The following RPAP3 variants were observed in gnomAD, a reference collection of about 807,000 sequenced individuals.
RPAP3 encodes RNA polymerase II associated protein 3.
In RPAP3, 58 loss-of-function variants were observed where a neutral mutation model predicts 88.8. The ratio of observed to expected loss-of-function variants is 0.65; its 90% confidence interval spans 0.53 to 0.81. The LOEUF (loss-of-function observed/expected upper bound fraction) is 0.81. Among genes scored for constraint, RPAP3 ranks in the 40% least tolerant of loss-of-function variants. RPAP3 has a pLI of 0.00. For synonymous variants in RPAP3, 255 were observed against 259.9 expected (o/e 0.98, Z 0.18); for missense variants, 751 against 764.3 (o/e 0.98, Z 0.20).
chr12:47,690,178 C>A (rs954744137), intron 6 of RPAP3, among the ~76,000 whole-genome samples: 44 of 151,654 alleles, frequency 2.9e-4, no homozygotes, highest in African/African-American at 1.0e-3. Context: ...TATAAGTGAA[C>A]AAAAATGTGT....
intron 14 of RPAP3, 68 bp downstream of exon 14, chr12:47,668,844 CCATT>C: frequency 8.7e-7 from 1 of 1,151,000 alleles, no homozygotes; most frequent in Non-Finnish European, 1.3e-6. Context: ...AAATACGGCA[CCATT>C]ATTATAAAGT....
chr12:47,689,614 C>T (rs1939389375), intron 6 of RPAP3, among the ~76,000 whole-genome samples: 1 of 152,206 alleles, frequency 6.6e-6, no homozygotes, highest in South Asian at 2.1e-4. Flanking sequence ...GCTAGGACTA[C>T]AGGCGTAAGC....
chr12:47,699,091 A>C (rs73104152), intron 3 of RPAP3, among the ~76,000 whole-genome samples: 9,184 of 152,290 alleles, frequency 0.06, 352 homozygotes, highest in Middle Eastern at 0.12. Flanking sequence ...ACAGCAGCAG[A>C]ACACTAAAGC....
chr12:47,700,664 G>C (rs1166944611), intron 3 of RPAP3, among the ~76,000 whole-genome samples: 1 of 152,214 alleles, frequency 6.6e-6, no homozygotes, highest in Non-Finnish European at 1.5e-5. Context: ...GGGTTGTAAG[G>C]CAGAGCACTG....
At position 47,705,996 on chromosome 12, in the gene RPAP3, C is replaced by G. The variant is rs887882862; in HGVS notation, c.-51G>C. 1 of 153,030 alleles carries G rather than the reference C, an allele frequency of 6.5e-6. No individual in the cohort carries two copies. The highest frequency in any genetic ancestry group is 6.5e-5 in the Admixed American group (1 of 15,306). 9.5% of individuals were successfully genotyped at this position (153,030 alleles called of 1,614,324 possible). On this transcript the variant is annotated 5_prime_UTR_variant, in exon 1 of 17. Transcript: ENST00000005386. ...CCGCACTGCCACCCCGTCAGCCCCG[C>G]AGCGACTCACGCCGAGCCCGGCAGT...
intron 3 of RPAP3, among the ~76,000 whole-genome samples, chr12:47,700,620 T>G (rs1325021015): frequency 2.0e-5 from 3 of 152,200 alleles, no homozygotes; most frequent in Non-Finnish European, 4.4e-5. Flanking sequence ...TTTCACAGGC[T>G]GACACGACAG....
At position 47,679,693 on chromosome 12, in the gene RPAP3, G is replaced by T. The variant is rs1454685597; in HGVS notation, c.1185+11C>A. 5 of 1,587,552 alleles carry T rather than the reference G, an allele frequency of 3.1e-6. No individual in the cohort carries two copies. The East Asian group carries it at 9.0e-5, about 29-fold the overall frequency. ...AAATATGACCATGTTTGGGTGAAAA[G>T]AATACATTACCTTTTTAATTTTGGA... On this transcript the variant is annotated intron_variant, in intron 11 of 16. Coordinates refer to ENST00000005386, the MANE Select transcript of RPAP3 (RefSeq NM_024604.3).
Position 47,681,883 on chromosome 12 carries a change from A to G in RPAP3, c.993-66T>C, listed in dbSNP as rs990754140. ...CTTATGGAAAAATGTCATATAAACT[A>G]AGTTTCTAATTTAAAAAGCTTGTAT... On this transcript the variant is annotated intron_variant, in intron 9 of 16. Coordinates refer to ENST00000005386, the MANE Select transcript of RPAP3 (RefSeq NM_024604.3). 3.6e-5 allele frequency: 52 copies of G among 1,438,426 alleles called. No homozygotes were observed. In the South Asian group the frequency reaches 5.3e-4, roughly 15 times the overall value. 89.1% of individuals were successfully genotyped at this position (1,438,426 alleles called of 1,614,324 possible). A position where few individuals can be genotyped will look rare whatever the true frequency, so the allele number is the denominator to read the frequency against.
chr12:47,679,705 T>G lies in RPAP3; in HGVS notation c.1184A>C (p.Lys395Thr). ...GTTTGGGTGAAAAGAATACATTACC[T>G]TTTTAATTTTGGAGAGTTCAGTTAC... ...QAVTELSKIKKELIEKGHWDD... is the reference protein window; with the variant it reads ...QAVTELSKIKTELIEKGHWDD... Residue 395 changes from lysine to threonine, a missense_variant and splice_region_variant, in exon 11 of 17, where the codon AAG becomes ACG. Lys to Thr is a moderately conservative substitution (Grantham distance 78). Coordinates refer to ENST00000005386, the MANE Select transcript of RPAP3 (RefSeq NM_024604.3). 2 of 1,600,752 alleles carry G rather than the reference T, an allele frequency of 1.2e-6. No homozygotes were observed. The highest frequency in any genetic ancestry group is 1.7e-6 in the Non-Finnish European group (2 of 1,171,682).
At chr12:47,676,211 C>A (rs1053418837) in intron 12 of RPAP3, among the ~76,000 whole-genome samples, 5 of 152,156 alleles carry the variant, frequency 3.3e-5, no homozygotes, top group African/African-American at 1.2e-4. Context: ...AACAAAGACA[C>A]AACGTACCAG....
chr12:47,701,999 A>C (rs1939663053), intron 2 of RPAP3, among the ~76,000 whole-genome samples: 2 of 152,376 alleles, frequency 1.3e-5, no homozygotes, highest in East Asian at 3.9e-4. Flanking sequence ...TGCAGTCTTA[A>C]GAAAAACTTT....
chr12:47,686,670 G>T, intron 9 of RPAP3, 110 bp downstream of exon 9: 1 of 770,068 alleles, frequency 1.3e-6, no homozygotes, highest in South Asian at 2.7e-5. Flanking sequence ...ATTGGCATGT[G>T]AGCTAACCTA....
intron 16 of RPAP3, among the ~76,000 whole-genome samples, chr12:47,666,504 C>T (rs1014315100): frequency 6.6e-6 from 1 of 152,318 alleles, no homozygotes; most frequent in Middle Eastern, 3.4e-3. Flanking sequence ...AATTACCTCT[C>T]TCAGAATGGA....
At chr12:47,665,520 A>G (rs1013090730) in intron 16 of RPAP3, among the ~76,000 whole-genome samples, 13 of 151,508 alleles carry the variant, frequency 8.6e-5, no homozygotes, top group Non-Finnish European at 1.8e-4. Context: ...AAGAAACAGT[A>G]ACATTTTTCA....
intron 5 of RPAP3, among the ~76,000 whole-genome samples, chr12:47,695,387 C>T (rs957622624): frequency 9.2e-5 from 14 of 152,094 alleles, no homozygotes; most frequent in Admixed American, 7.2e-4. Flanking sequence ...TATTTAGGAA[C>T]ATATACATAT....
In RPAP3 at chr12:47,663,373, T is replaced by G. The variant is rs553340693; in HGVS notation, c.*132A>C. On this transcript the variant is annotated 3_prime_UTR_variant, in exon 17 of 17. Coordinates refer to ENST00000005386, the MANE Select transcript of RPAP3 (RefSeq NM_024604.3). ...ACTAGTTAAATCACAATTCACCTTA[T>G]AGTTAATTAACTTATGTTCAAAGAT... The G allele has an allele frequency of 3.3e-6, 2 of 597,760 alleles. No individual in the cohort carries two copies. Among genetic ancestry groups the G allele is most frequent in the Non-Finnish European group, 5.8e-6 (2 of 343,560 alleles). The allele number at this position is 597,760 out of a possible 1,614,324, so 37.0% of individuals were successfully genotyped here. A position where few individuals can be genotyped will look rare whatever the true frequency, so the allele number is the denominator to read the frequency against.
At chr12:47,680,960 CAAA>C (rs1028886667) in intron 10 of RPAP3, among the ~76,000 whole-genome samples, 1 of 133,644 alleles carries the variant, frequency 7.5e-6, no homozygotes, top group African/African-American at 2.8e-5. Flanking sequence ...CAAAAAAAAA[CAAA>C]AAAACGAAAC....
chr12:47,698,841 A>C (rs1041183368), intron 3 of RPAP3, among the ~76,000 whole-genome samples: 65 of 152,350 alleles, frequency 4.3e-4, no homozygotes, highest in African/African-American at 1.5e-3. Context: ...ATTTAAATAC[A>C]AACTTTAATT....
At chr12:47,701,761 T>C (rs1418292593) in intron 2 of RPAP3, among the ~76,000 whole-genome samples, 157 bp from the exon 3 acceptor site, 2 of 152,244 alleles carry the variant, frequency 1.3e-5, no homozygotes, top group Admixed American at 6.5e-5. Context: ...CTTATAACAA[T>C]TATACTTTAA....
Sources: allele counts gnomAD v4.1 joint callset (sites outside exome capture counted in the v4.1 genomes callset), GRCh38; gene constraint gnomAD v4.1.1; transcripts MANE v1.5; gene names NCBI Gene and HGNC (gene_info 2026-07-23, HGNC 2026-07-21).